The following ZNF385B variants were observed in gnomAD, a reference collection of about 807,000 sequenced individuals.
ZNF385B encodes zinc finger protein 385B.
Under a neutral mutation model 39.2 loss-of-function variants are expected in ZNF385B, and 23 were observed. That is an observed-to-expected ratio of 0.59 (90% CI 0.42 to 0.83). ZNF385B has a LOEUF of 0.83. Among genes scored for constraint, ZNF385B ranks in the 40% least tolerant of loss-of-function variants. The pLI is 0.00. For missense variants in ZNF385B, 552 were observed against 598.9 expected, an observed-to-expected ratio of 0.92 and a Z score of 0.82; for synonymous variants, 205 against 222.6, an observed-to-expected ratio of 0.92 and a Z score of 0.70.
intron 1 of ZNF385B, among the ~76,000 whole-genome samples, chr2:179,817,974 TATG>T (rs1707172738): frequency 6.6e-6 from 1 of 152,166 alleles, no homozygotes. Flanking sequence ...TGTGTTTATG[TATG>T]TGTCAGCTCA....
chr2:179,654,862 T>C (rs1311647631), intron 3 of ZNF385B, among the ~76,000 whole-genome samples: 1 of 152,186 alleles, frequency 6.6e-6, no homozygotes, highest in African/African-American at 2.4e-5. Context: ...TCATTTAGTA[T>C]GCGTGTATTC....
chr2:179,591,035 A>G (rs1687512490), intron 3 of ZNF385B, among the ~76,000 whole-genome samples: 1 of 151,738 alleles, frequency 6.6e-6, no homozygotes, highest in Middle Eastern at 3.2e-3. Flanking sequence ...GATGTTTGGG[A>G]TTTTCTAATT....
chr2:179,701,206 C>T (rs1699174091), intron 3 of ZNF385B, among the ~76,000 whole-genome samples: 1 of 152,168 alleles, frequency 6.6e-6, no homozygotes, highest in Non-Finnish European at 1.5e-5. Flanking sequence ...ACATCCTCCC[C>T]ACCTGGCTTC....
chr2:179,450,088 T>G (rs536897876), intron 6 of ZNF385B, among the ~76,000 whole-genome samples: 98 of 141,964 alleles, frequency 6.9e-4, no homozygotes, highest in South Asian at 1.6e-3. Flanking sequence ...TTACACCTTA[T>G]ACAAAAATTA....
intron 3 of ZNF385B, among the ~76,000 whole-genome samples, chr2:179,655,983 A>T (rs1693717906): frequency 6.6e-6 from 1 of 152,158 alleles, no homozygotes; most frequent in African/African-American, 2.4e-5. Flanking sequence ...ATTAGTCTAG[A>T]TATGTTAATT....
chr2:179,481,684 T>C (rs534443716), intron 6 of ZNF385B, among the ~76,000 whole-genome samples: 35 of 152,328 alleles, frequency 2.3e-4, no homozygotes, highest in Non-Finnish European at 4.3e-4. Flanking sequence ...TTTATCATTT[T>C]ACTTATATGT....
At chr2:179,514,405 C>T (rs1245371036) in intron 5 of ZNF385B, among the ~76,000 whole-genome samples, 1 of 152,164 alleles carries the variant, frequency 6.6e-6, no homozygotes, top group African/African-American at 2.4e-5. Context: ...ATATTAGCTC[C>T]CTTAATTCCA....
At chr2:179,628,622 C>T (rs183969715) in intron 3 of ZNF385B, among the ~76,000 whole-genome samples, 115 of 152,278 alleles carry the variant, frequency 7.6e-4, no homozygotes, top group Middle Eastern at 3.4e-3. Context: ...TTTTGTTCTT[C>T]TCATCCTAAT....
At chr2:179,760,416 T>G (rs1410852307) in intron 3 of ZNF385B, among the ~76,000 whole-genome samples, 1 of 152,204 alleles carries the variant, frequency 6.6e-6, no homozygotes, top group East Asian at 1.9e-4. Context: ...GTTGTATAAA[T>G]GGAATTCATA....
At chr2:179,782,402 C>A (rs1704722756) in intron 1 of ZNF385B, among the ~76,000 whole-genome samples, 2 of 152,108 alleles carry the variant, frequency 1.3e-5, no homozygotes, top group African/African-American at 2.4e-5. Flanking sequence ...AAGCTGGAAG[C>A]ATTCTCATTA....
intron 6 of ZNF385B, among the ~76,000 whole-genome samples, chr2:179,460,613 C>T (rs1269206085): frequency 6.6e-6 from 1 of 152,142 alleles, no homozygotes. Flanking sequence ...TTCTTATAGA[C>T]AACATCACTG....
intron 3 of ZNF385B, among the ~76,000 whole-genome samples, chr2:179,589,707 G>C (rs542014380): frequency 5.9e-5 from 9 of 152,246 alleles, no homozygotes; most frequent in Admixed American, 5.2e-4. Flanking sequence ...TACCTCACTA[G>C]CTCTATGATT....
chr2:179,711,525 G>A (rs1247901126), intron 3 of ZNF385B, among the ~76,000 whole-genome samples: 3 of 152,044 alleles, frequency 2.0e-5, no homozygotes, highest in Non-Finnish European at 1.5e-5. Flanking sequence ...AAGCATATGC[G>A]GAGAATGACT....
intron 3 of ZNF385B, among the ~76,000 whole-genome samples, chr2:179,696,785 C>T (rs752462903): frequency 1.3e-5 from 2 of 152,138 alleles, no homozygotes; most frequent in Non-Finnish European, 2.9e-5. Flanking sequence ...TACCTGAAAT[C>T]CAACAGAACT....
chr2:179,547,555 A>G (rs1041138946), intron 3 of ZNF385B, among the ~76,000 whole-genome samples: 1 of 149,106 alleles, frequency 6.7e-6, no homozygotes, highest in African/African-American at 2.5e-5. Flanking sequence ...TGGGTTCTCT[A>G]TTCTGTTCCA....
intron 3 of ZNF385B, among the ~76,000 whole-genome samples, chr2:179,638,243 A>G (rs1360731880): frequency 6.6e-6 from 1 of 152,228 alleles, no homozygotes; most frequent in Non-Finnish European, 1.5e-5. Flanking sequence ...ATCAAATGAA[A>G]ACAATGACAA....
chr2:179,444,449 C>T (rs1043598260), intron 9 of ZNF385B, among the ~76,000 whole-genome samples: 2 of 152,236 alleles, frequency 1.3e-5, no homozygotes, highest in Admixed American at 6.5e-5. Flanking sequence ...ATACAGACAC[C>T]GCTTTACCTT....
chr2:179,530,946 CA>C (rs371782159), intron 4 of ZNF385B, among the ~76,000 whole-genome samples: 17 of 151,250 alleles, frequency 1.1e-4, no homozygotes, highest in South Asian at 4.2e-4. Context: ...TTTCAAACTT[CA>C]AAAAAAAATT....
At chr2:179,808,239 A>G (rs555825705) in intron 1 of ZNF385B, among the ~76,000 whole-genome samples, 12 of 152,198 alleles carry the variant, frequency 7.9e-5, no homozygotes, top group South Asian at 6.2e-4. Flanking sequence ...TCACCGTGTT[A>G]GCCAGGATGG....
Sources: allele counts gnomAD v4.1 joint callset (sites outside exome capture counted in the v4.1 genomes callset), GRCh38; gene constraint gnomAD v4.1.1; transcripts MANE v1.5; gene names NCBI Gene and HGNC (gene_info 2026-07-23, HGNC 2026-07-21).